TSNARE1: variants seen among roughly 807,000 people sequenced by gnomAD.
TSNARE1 encodes t-SNARE domain-containing protein 1.
A neutral mutation model predicts 62.0 loss-of-function variants in TSNARE1; 49 were observed. The observed-to-expected ratio is 0.79, with a 90% CI of 0.63 to 1.00. TSNARE1 has a LOEUF of 1.00. TSNARE1 is among the 50% of genes least tolerant of loss of function. TSNARE1 has a pLI of 0.00. For synonymous variants in TSNARE1, 328 were observed against 294.4 expected, an observed-to-expected ratio of 1.11 and a Z score of -1.17; for missense variants, 755 against 700.1, an observed-to-expected ratio of 1.08 and a Z score of -0.88.
At position 142,372,016 on chromosome 8, in the gene TSNARE1, G is replaced by A. The variant is rs561620877; in HGVS notation, c.-39-17253C>T. ...TTCCAGGAAATGTGTGGTGATTCTG[G>A]TTTAAGCAAATGGAAGAACAGGGTT... On this transcript the variant is annotated intron_variant, in intron 1 of 13. Transcript: ENST00000524325. Among the ~76,000 whole-genome samples, 37 of 152,302 alleles carry A rather than the reference G, an allele frequency of 2.4e-4. No individual in the cohort carries two copies. The South Asian group carries it at 6.2e-3, about 26-fold the overall frequency.
At chr8:142,240,709 C>A (rs1817637594) in intron 12 of TSNARE1, among the ~76,000 whole-genome samples, 1 of 152,132 alleles carries the variant, frequency 6.6e-6, no homozygotes, top group Non-Finnish European at 1.5e-5. Flanking sequence ...TAAAAATCCC[C>A]ATGCATTTAG....
At chr8:142,344,595 G>A in intron 3 of TSNARE1, 123 bp from the exon 4 acceptor site, 1 of 1,054,762 alleles carries the variant, frequency 9.5e-7, no homozygotes, top group Non-Finnish European at 1.3e-6. Context: ...GCCTGGTCCT[G>A]GCCACCACCC....
At chr8:142,403,447 C>T (rs919311262), upstream of TSNARE1, among the ~76,000 whole-genome samples, 3 of 152,034 alleles carry the variant, frequency 2.0e-5, no homozygotes, top group African/African-American at 7.2e-5. Flanking sequence ...ACGTGGAGGG[C>T]GGCGGCCCGG....
At chr8:142,342,891 G>A (rs556456572) in intron 4 of TSNARE1, among the ~76,000 whole-genome samples, 38 of 149,254 alleles carry the variant, frequency 2.5e-4, no homozygotes, top group Non-Finnish European at 4.4e-4. Flanking sequence ...GCACCTGCCC[G>A]GGCCCACCAC....
chr8:142,378,879 CCT>C (rs1836526566), intron 1 of TSNARE1, among the ~76,000 whole-genome samples: 1 of 152,188 alleles, frequency 6.6e-6, no homozygotes, highest in Non-Finnish European at 1.5e-5. Context: ...TCCACGGCAG[CCT>C]CTGAGTGTGA....
At chr8:142,282,577 A>T (rs1821756404) in intron 11 of TSNARE1, among the ~76,000 whole-genome samples, 1 of 150,092 alleles carries the variant, frequency 6.7e-6, no homozygotes. Context: ...CAATGAGCGG[A>T]GGTGGGGCCA....
At chr8:142,272,916 C>T in intron 12 of TSNARE1, 1 of 985,446 alleles carries the variant, frequency 1.0e-6, no homozygotes, top group Non-Finnish European at 1.2e-6. Context: ...CAGGTGGGAG[C>T]AGGACATTCT....
chr8:142,362,569 C>T (rs1252495424), intron 1 of TSNARE1, among the ~76,000 whole-genome samples: 1 of 152,120 alleles, frequency 6.6e-6, no homozygotes, highest in Non-Finnish European at 1.5e-5. Context: ...GGTGGAAGAG[C>T]ATACAAGCAC....
At chr8:142,278,903 T>C (rs574824541) in intron 11 of TSNARE1, 1 of 660,090 alleles carries the variant, frequency 1.5e-6, no homozygotes, top group Admixed American at 6.3e-5. Flanking sequence ...CCCAGGCTCC[T>C]CCCTGGCTCT....
intron 12 of TSNARE1, among the ~76,000 whole-genome samples, chr8:142,267,465 G>A (rs1049009601): frequency 1.6e-4 from 25 of 152,180 alleles, no homozygotes; most frequent in Admixed American, 1.0e-3. Context: ...GCAGCACTGC[G>A]TAGGGAAAGG....
intron 1 of TSNARE1, among the ~76,000 whole-genome samples, chr8:142,391,680 G>A (rs919343699): frequency 3.3e-5 from 5 of 152,216 alleles, no homozygotes; most frequent in East Asian, 1.9e-4. Flanking sequence ...TGGTCCAGCC[G>A]CAGCCTTGCA....
intron 1 of TSNARE1, among the ~76,000 whole-genome samples, chr8:142,374,012 C>G (rs1836109712): frequency 6.6e-6 from 1 of 152,178 alleles, no homozygotes; most frequent in Non-Finnish European, 1.5e-5. Flanking sequence ...AATTAAAAGA[C>G]TAAAGTTCAG....
chr8:142,353,722 C>T (rs1834410242), intron 2 of TSNARE1, among the ~76,000 whole-genome samples: 1 of 151,296 alleles, frequency 6.6e-6, no homozygotes, highest in Admixed American at 6.6e-5. Context: ...GGGACCAGAG[C>T]CCCGGCAAGA....
intron 6 of TSNARE1, among the ~76,000 whole-genome samples, chr8:142,327,791 T>C (rs562506638): frequency 1.3e-5 from 2 of 152,346 alleles, no homozygotes; most frequent in Non-Finnish European, 2.9e-5. Context: ...CCTTGAGCCC[T>C]TCTGGTGCTG....
chr8:142,377,888 T>C (rs1423021066), intron 1 of TSNARE1, among the ~76,000 whole-genome samples: 1 of 152,228 alleles, frequency 6.6e-6, no homozygotes, highest in Non-Finnish European at 1.5e-5. Flanking sequence ...ATTTATATAA[T>C]ATGCAGCATC....
intron 11 of TSNARE1, chr8:142,277,968 C>T (rs865832558): frequency 5.1e-6 from 5 of 985,456 alleles, no homozygotes; most frequent in Middle Eastern, 5.2e-4. Context: ...CCAGGTCTGC[C>T]TCTGCCCATA....
intron 12 of TSNARE1, among the ~76,000 whole-genome samples, chr8:142,251,732 A>G (rs1311980213): frequency 1.0e-3 from 98 of 94,486 alleles, no homozygotes; most frequent in African/African-American, 2.0e-3. Context: ...TGTACCCGCC[A>G]CCCGCGATCT....
At chr8:142,314,323 GGCA>G in intron 9 of TSNARE1, 58 bp downstream of exon 9, 2 of 1,498,912 alleles carry the variant, frequency 1.3e-6, no homozygotes, top group Non-Finnish European at 1.8e-6. Flanking sequence ...GAGCACAGAT[GGCA>G]GCGGATTCTG....
At chr8:142,275,848 A>AGCGTCACCTCCG (rs138539937) in intron 11 of TSNARE1, 101,622 of 919,498 alleles carry the variant, frequency 0.11, 5,821 homozygotes, top group East Asian at 0.34. Flanking sequence ...TGCCAGGCAC[A>AGCGTCACCTCCG]GCCTGGCACG....
Sources: allele counts gnomAD v4.1 joint callset (sites outside exome capture counted in the v4.1 genomes callset), GRCh38; gene constraint gnomAD v4.1.1; transcripts MANE v1.5; gene names NCBI Gene and HGNC (gene_info 2026-07-23, HGNC 2026-07-21).